Variants in ZNF385D observed in about 807,000 individuals in gnomAD.
The protein encoded by ZNF385D is zinc finger protein 385D.
In ZNF385D, 15 loss-of-function variants were observed where a neutral mutation model predicts 35.8. The ratio of observed to expected loss-of-function variants is 0.42; its 90% confidence interval spans 0.28 to 0.64. ZNF385D has a LOEUF of 0.64. Ranked by LOEUF, ZNF385D falls within the 30% of genes least tolerant of loss-of-function variation. The pLI is 0.23. For synonymous variants in ZNF385D, 212 were observed against 186.8 expected (o/e 1.13, Z -1.10); for missense variants, 474 against 494.6 (o/e 0.96, Z 0.39).
chr3:21,462,684 C>CAACATTGTGTAATGAAGAGGCAA (rs1703249224), intron 4 of ZNF385D, among the ~76,000 whole-genome samples: 1 of 152,072 alleles, frequency 6.6e-6, no homozygotes, highest in African/African-American at 2.4e-5. Flanking sequence ...AGCAAAAAAG[C>CAACATTGTGTAATGAAGAGGCAA]TGAAGAGGCA....
At chr3:21,553,680 T>C (rs1466898274) in intron 3 of ZNF385D, among the ~76,000 whole-genome samples, 2 of 152,182 alleles carry the variant, frequency 1.3e-5, no homozygotes, top group African/African-American at 4.8e-5. Flanking sequence ...TAGTACTGCT[T>C]TCAAAATTGG....
intron 3 of ZNF385D, among the ~76,000 whole-genome samples, chr3:22,111,024 G>C (rs1172275058): frequency 1.3e-5 from 2 of 151,914 alleles, no homozygotes; most frequent in African/African-American, 2.4e-5. Context: ...GGTCACTCTA[G>C]TGTCATTGTT....
intron 3 of ZNF385D, among the ~76,000 whole-genome samples, chr3:22,089,964 G>T (rs773242855): frequency 6.6e-6 from 1 of 151,926 alleles, no homozygotes; most frequent in South Asian, 2.1e-4. Flanking sequence ...TCAGCCTCTC[G>T]AGTAGCTGGG....
At chr3:22,126,448 G>C (rs1176536661) in intron 3 of ZNF385D, among the ~76,000 whole-genome samples, 3 of 150,712 alleles carry the variant, frequency 2.0e-5, no homozygotes, top group African/African-American at 7.3e-5. Context: ...TTAATTTCTG[G>C]TCATTCAGGA....
chr3:22,192,270 C>T (rs1469259289), intron 2 of ZNF385D, among the ~76,000 whole-genome samples: 5 of 152,096 alleles, frequency 3.3e-5, no homozygotes, highest in Non-Finnish European at 5.9e-5. Flanking sequence ...GAGATGTCTG[C>T]AATGAGTTGC....
chr3:21,759,491 T>C (rs1192244577), intron 3 of ZNF385D, among the ~76,000 whole-genome samples: 1 of 152,156 alleles, frequency 6.6e-6, no homozygotes, highest in African/African-American at 2.4e-5. Flanking sequence ...GTAGGAAGTG[T>C]TTGCTGAATG....
intron 3 of ZNF385D, among the ~76,000 whole-genome samples, chr3:22,066,143 C>T (rs1181008150): frequency 1.3e-5 from 2 of 151,552 alleles, no homozygotes; most frequent in Admixed American, 6.6e-5. Context: ...GAAAAAAATA[C>T]CATTTTTTTT....
At chr3:21,442,635 G>A (rs1429355024) in intron 4 of ZNF385D, among the ~76,000 whole-genome samples, 1 of 151,310 alleles carries the variant, frequency 6.6e-6, no homozygotes, top group Non-Finnish European at 1.5e-5. Context: ...CCTTGGCACT[G>A]GGCTGTGCTT....
intron 3 of ZNF385D, among the ~76,000 whole-genome samples, chr3:22,097,175 T>C (rs1016761335): frequency 3.3e-5 from 5 of 152,146 alleles, no homozygotes; most frequent in African/African-American, 9.7e-5. Flanking sequence ...TGCAGAATCC[T>C]TTCTGAATTG....
At chr3:22,222,849 A>T (rs2125282999) in intron 2 of ZNF385D, among the ~76,000 whole-genome samples, 1 of 152,312 alleles carries the variant, frequency 6.6e-6, no homozygotes, top group South Asian at 2.1e-4. Context: ...AAGAACCACG[A>T]GTCTTTTTTA....
chr3:22,135,795 T>A (rs972833223), intron 3 of ZNF385D, among the ~76,000 whole-genome samples: 4 of 152,148 alleles, frequency 2.6e-5, no homozygotes, highest in African/African-American at 9.7e-5. Context: ...CAGACCAATA[T>A]AACAGAAGAG....
chr3:22,067,145 G>A (rs1475723424), intron 3 of ZNF385D, among the ~76,000 whole-genome samples: 2 of 152,136 alleles, frequency 1.3e-5, no homozygotes, highest in African/African-American at 2.4e-5. Flanking sequence ...AGAGAATATG[G>A]AAAGAAAGAT....
chr3:21,468,494 C>G (rs889185023), intron 4 of ZNF385D, among the ~76,000 whole-genome samples: 3 of 151,086 alleles, frequency 2.0e-5, no homozygotes, highest in African/African-American at 7.3e-5. Flanking sequence ...ATATGCATCA[C>G]CATGTAAATG....
intron 3 of ZNF385D, among the ~76,000 whole-genome samples, chr3:21,522,857 G>A (rs3860579): frequency 0.34 from 51,620 of 152,096 alleles, 8,848 homozygotes; most frequent in African/African-American, 0.37. Context: ...GGCAGGTATA[G>A]GTGAGTTGTG....
At chr3:22,274,671 A>T (rs541316718) in intron 2 of ZNF385D, among the ~76,000 whole-genome samples, 84 of 151,140 alleles carry the variant, frequency 5.6e-4, no homozygotes, top group South Asian at 1.7e-3. Flanking sequence ...TAAATTTTTT[A>T]AAAAAAAGAA....
At chr3:22,112,190 T>G (rs1476861873) in intron 3 of ZNF385D, among the ~76,000 whole-genome samples, 1 of 152,194 alleles carries the variant, frequency 6.6e-6, no homozygotes, top group Non-Finnish European at 1.5e-5. Flanking sequence ...AGCAGAGTAT[T>G]ATTTATTGTT....
At position 21,602,512 on chromosome 3, in the gene ZNF385D, A is replaced by ATTT. The variant is rs199882061; in HGVS notation, c.166-37831_166-37829dup. ...GAATTTAGGTCTCCTGTTTCCCTGC[A>ATTT]TTTTCTTTTTTTTTTTTTTTTTTTT... is the stretch of plus-strand genomic sequence containing the variant. On this transcript the variant is annotated intron_variant, in intron 2 of 7. Coordinates refer to ENST00000281523, the MANE Select transcript of ZNF385D (RefSeq NM_024697.3). 2.8e-4 allele frequency among the ~76,000 whole-genome samples: 25 copies of ATTT among 90,184 alleles called. 1 individual carries two copies. The highest frequency in any genetic ancestry group is 4.1e-4 in the African/African-American group (7 of 17,146). The allele number at this position is 90,184 out of a possible 152,430, so 59.2% of individuals were successfully genotyped here.
At chr3:21,922,256 C>T (rs555333678) in intron 3 of ZNF385D, among the ~76,000 whole-genome samples, 29 of 146,428 alleles carry the variant, frequency 2.0e-4, no homozygotes, top group African/African-American at 6.4e-4. Context: ...AAGCTACCAA[C>T]ACCATTTTTC....
chr3:22,205,664 A>C (rs1269543078), intron 2 of ZNF385D, among the ~76,000 whole-genome samples: 1 of 152,054 alleles, frequency 6.6e-6, no homozygotes, highest in Non-Finnish European at 1.5e-5. Context: ...TGTTTATGCA[A>C]CAGTGTTAAG....
Sources: gnomAD v4.1 joint callset for allele counts (sites outside exome capture counted in the v4.1 genomes callset) on GRCh38, gnomAD v4.1.1 for gene constraint, MANE v1.5 for transcripts, NCBI Gene and HGNC (gene_info 2026-07-23, HGNC 2026-07-21) for gene names.